TMCC3: variants seen among roughly 807,000 people sequenced by gnomAD.
The protein encoded by TMCC3 is transmembrane and coiled-coil domain family 3, also known as transmembrane and coiled-coil domain protein 3.
In TMCC3, 28 loss-of-function variants were observed where a neutral mutation model predicts 40.2. The ratio of observed to expected loss-of-function variants is 0.70; its 90% CI spans 0.52 to 0.95. The LOEUF (loss-of-function observed/expected upper bound fraction) is 0.95, where lower values mean the gene tolerates loss of function less well. Ranked by LOEUF, TMCC3 falls within the 40% of genes least tolerant of loss-of-function variation. The pLI, the probability that TMCC3 is intolerant of heterozygous loss-of-function variation, is 0.00. For missense variants in TMCC3, 554 were observed against 615.2 expected, an observed-to-expected ratio of 0.90 and a Z score of 1.05; for synonymous variants, 255 against 248.5, an observed-to-expected ratio of 1.03 and a Z score of -0.25.
At chr12:94,597,132 T>C (rs1044524205) in intron 1 of TMCC3, among the ~76,000 whole-genome samples, 56 of 10,038 alleles carry the variant, frequency 5.6e-3, no homozygotes, top group Non-Finnish European at 0.017. Context: ...TACATATATA[T>C]ATATATATAT....
At chr12:94,623,706 T>A (rs909839751) in intron 1 of TMCC3, among the ~76,000 whole-genome samples, 63 of 152,238 alleles carry the variant, frequency 4.1e-4, no homozygotes, top group African/African-American at 1.4e-3. Context: ...CCCTGGCTAC[T>A]TGCCTAAGGA....
At chr12:94,603,471 T>A (rs543734877) in intron 1 of TMCC3, among the ~76,000 whole-genome samples, 2 of 152,290 alleles carry the variant, frequency 1.3e-5, no homozygotes, top group South Asian at 2.1e-4. Context: ...AAAAACCATA[T>A]GCAACAAAAG....
At chr12:94,597,143 ATATATATATATATATGTATATAAAT>A (rs2068721217) in intron 1 of TMCC3, among the ~76,000 whole-genome samples, 5 of 15,858 alleles carry the variant, frequency 3.2e-4, no homozygotes, top group Non-Finnish European at 9.0e-4. Flanking sequence ...ATATATATAT[ATATATATATATATATGTATATAAAT>A]TAGCCAGGCC....
At chr12:94,590,810 G>A (rs1197681573) in intron 1 of TMCC3, 5 of 482,326 alleles carry the variant, frequency 1.0e-5, no homozygotes, top group Non-Finnish European at 2.0e-5. Context: ...AGACGGCGCA[G>A]GGTCTGAAAC....
In TMCC3 at chr12:94,570,473, A is replaced by G. The variant is rs975760485; in HGVS notation, c.*962T>C. On this transcript the variant is annotated 3_prime_UTR_variant, in exon 4 of 4. Coordinates refer to ENST00000261226, the MANE Select transcript of TMCC3 (RefSeq NM_020698.4). ...TATCACAATCAAGATTTGCCAAAAA[A>G]CAGCCAGGCATGGTGGCTTGTGCCT... The G allele has an allele frequency of 6.6e-6, 1 of 152,198 alleles. No individual in the cohort carries two copies. Among genetic ancestry groups the G allele is most frequent in the Non-Finnish European group, 1.5e-5 (1 of 68,038 alleles). The allele number at this position is 152,198 out of a possible 1,614,324, so 9.4% of individuals were successfully genotyped here.
At chr12:94,644,510 T>C (rs1187974708) in intron 1 of TMCC3, 1 of 871,992 alleles carries the variant, frequency 1.1e-6, no homozygotes, top group Non-Finnish European at 1.4e-6. Context: ...GCGGGTGAGC[T>C]GGTGGTGGCC....
chr12:94,614,094 C>A (rs1447064543), intron 1 of TMCC3, among the ~76,000 whole-genome samples: 1 of 80,294 alleles, frequency 1.2e-5, no homozygotes, highest in Non-Finnish European at 2.8e-5. Flanking sequence ...GACTCCATCT[C>A]CAGAAAAAAA....
chr12:94,585,552 C>T (rs1257889426), intron 1 of TMCC3, among the ~76,000 whole-genome samples: 1 of 152,052 alleles, frequency 6.6e-6, no homozygotes, highest in Non-Finnish European at 1.5e-5. Context: ...AAAAAATTAG[C>T]CAGGCATGGT....
At chr12:94,647,094 C>T (rs35204668) in intron 1 of TMCC3, among the ~76,000 whole-genome samples, 1 of 152,048 alleles carries the variant, frequency 6.6e-6, no homozygotes, top group Admixed American at 6.6e-5. Context: ...CTTTAACTAT[C>T]TAGGGCATGA....
intron 3 of TMCC3, among the ~76,000 whole-genome samples, chr12:94,574,489 G>A (rs916525767): frequency 6.6e-6 from 1 of 151,932 alleles, no homozygotes; most frequent in African/African-American, 2.4e-5. Flanking sequence ...GCCCCTCTCT[G>A]TTCTAACTCA....
At chr12:94,611,411 T>A (rs12228576) in intron 1 of TMCC3, among the ~76,000 whole-genome samples, 33,477 of 152,112 alleles carry the variant, frequency 0.22, 3,951 homozygotes, top group Non-Finnish European at 0.24. Context: ...CCAATGCCAC[T>A]GAAATATTTC....
intron 1 of TMCC3, among the ~76,000 whole-genome samples, chr12:94,599,902 T>C (rs2068742298): frequency 6.6e-6 from 1 of 152,148 alleles, no homozygotes; most frequent in South Asian, 2.1e-4. Context: ...GAGAGTATTA[T>C]GGCATGACCA....
chr12:94,616,218 A>G (rs939262891), intron 1 of TMCC3: 3 of 474,566 alleles, frequency 6.3e-6, no homozygotes, highest in Non-Finnish European at 8.3e-6. Context: ...AGAGATCCAC[A>G]TTCTATATCT....
chr12:94,585,186 A>C (rs2068630778), intron 1 of TMCC3, among the ~76,000 whole-genome samples: 1 of 152,116 alleles, frequency 6.6e-6, no homozygotes, highest in Non-Finnish European at 1.5e-5. Flanking sequence ...CTGGCACATC[A>C]TTTCATTTAG....
chr12:94,597,546 T>C (rs151016224), intron 1 of TMCC3, among the ~76,000 whole-genome samples: 3,906 of 152,190 alleles, frequency 0.026, 115 homozygotes, highest in Non-Finnish European at 0.033. Context: ...AGCTCACGCC[T>C]GTAATCCCAG....
chr12:94,615,245 C>T (rs1369020781), intron 1 of TMCC3, among the ~76,000 whole-genome samples: 2 of 152,178 alleles, frequency 1.3e-5, no homozygotes, highest in African/African-American at 4.8e-5. Flanking sequence ...AAAGGCTCCC[C>T]CAGGCAGAAA....
intron 1 of TMCC3, among the ~76,000 whole-genome samples, chr12:94,648,433 G>T (rs1377827766): frequency 6.6e-6 from 1 of 152,026 alleles, no homozygotes; most frequent in East Asian, 1.9e-4. Flanking sequence ...CACCATCTCG[G>T]CCAGGCTGGT....
At chr12:94,608,334 C>T (rs1252716159) in intron 1 of TMCC3, among the ~76,000 whole-genome samples, 1 of 152,212 alleles carries the variant, frequency 6.6e-6, no homozygotes, top group Non-Finnish European at 1.5e-5. Context: ...CTTGTTCCCA[C>T]CTAGGATATG....
chr12:94,608,621 G>A (rs1044162107), intron 1 of TMCC3, among the ~76,000 whole-genome samples: 1 of 152,066 alleles, frequency 6.6e-6, no homozygotes, highest in Non-Finnish European at 1.5e-5. Context: ...TTAAACTCCT[G>A]AAGCCGGAAG....
Sources: gnomAD v4.1 joint callset for allele counts (sites outside exome capture counted in the v4.1 genomes callset) on GRCh38, gnomAD v4.1.1 for gene constraint, MANE v1.5 for transcripts, NCBI Gene and HGNC (gene_info 2026-07-23, HGNC 2026-07-21) for gene names.